The following PCDHGA4 variants were observed in gnomAD, a reference collection of about 807,000 sequenced individuals.
The protein encoded by PCDHGA4 is protocadherin gamma subfamily A, 4.
PCDHGA4 carries 38 observed loss-of-function variants against 54.6 expected under a neutral mutation model. The observed-to-expected ratio is 0.70, with a 90% CI of 0.54 to 0.91. The LOEUF is 0.91. Among genes scored for constraint, PCDHGA4 ranks in the 40% least tolerant of loss-of-function variants. The probability of loss-of-function intolerance (pLI) is 0.00; values close to 1 mark genes in which losing one functional copy is unlikely to be tolerated. For missense variants in PCDHGA4, 1,298 were observed against 1,220.9 expected (o/e 1.06, Z -0.94); for synonymous variants, 511 against 512.9 (o/e 1.00, Z 0.05).
chr5:141,384,522 T>A, intron 1 of PCDHGA4: 2 of 1,614,192 alleles, frequency 1.2e-6, no homozygotes, highest in Non-Finnish European at 1.7e-6. Flanking sequence ...GGGACCCGCC[T>A]CTCAGCAGCA....
intron 1 of PCDHGA4, chr5:141,383,906 C>T (rs1779578930): frequency 6.2e-7 from 1 of 1,613,814 alleles, no homozygotes; most frequent in African/African-American, 1.3e-5. Flanking sequence ...GTACTGATCA[C>T]AGTTTTAGAT....
intron 1 of PCDHGA4, chr5:141,395,544 G>A (rs1352260391): frequency 8.7e-5 from 1 of 11,524 alleles, no homozygotes. Flanking sequence ...GCTATTGTTT[G>A]TGTGTGTGTG....
At chr5:141,467,167 C>T (rs2099138606) in intron 1 of PCDHGA4, among the ~76,000 whole-genome samples, 1 of 151,832 alleles carries the variant, frequency 6.6e-6, no homozygotes, top group Non-Finnish European at 1.5e-5. Context: ...ATTCTCATCT[C>T]TCAGCCTCCC....
At chr5:141,361,796 A>T in intron 1 of PCDHGA4, 1 of 1,613,122 alleles carries the variant, frequency 6.2e-7, no homozygotes, top group Non-Finnish European at 8.5e-7. Flanking sequence ...TTAGTGGGCG[A>T]CCTCAATGAC....
At chr5:141,507,239 G>C (rs2099859378) in intron 3 of PCDHGA4, 1 of 152,310 alleles carries the variant, frequency 6.6e-6, no homozygotes, top group Non-Finnish European at 1.5e-5. Context: ...CCCAGTTACA[G>C]TTGAATGTCA....
At chr5:141,374,109 A>C (rs1422319467) in intron 1 of PCDHGA4, 1 of 1,576,270 alleles carries the variant, frequency 6.3e-7, no homozygotes, top group Admixed American at 1.8e-5. Flanking sequence ...AGGCATCCGC[A>C]GCGCAGCGAG....
intron 1 of PCDHGA4, among the ~76,000 whole-genome samples, chr5:141,397,541 C>G (rs1385892486): frequency 6.6e-6 from 1 of 152,014 alleles, no homozygotes; most frequent in Non-Finnish European, 1.5e-5. Context: ...TTTTTGAAAT[C>G]AGTATAGTAT....
At chr5:141,395,099 C>A (rs1337134243) in intron 1 of PCDHGA4, 1 of 1,614,228 alleles carries the variant, frequency 6.2e-7, no homozygotes. Flanking sequence ...TCACCGCCGA[C>A]TCGCGGAAGA....
rs375436846 is a variant in PCDHGA4, at chr5:141,399,581, A to T, written c.2514+41960A>T. ...TTGGGGTTGAACGGCCAAGTCTCCT[A>T]CTCTATCATGGCCAGCGACCTAGAG... is the stretch of plus-strand genomic sequence containing the variant. On this transcript the variant is annotated intron_variant, in intron 1 of 3. Coordinates refer to ENST00000571252, the MANE Select transcript of PCDHGA4 (RefSeq NM_018917.4). 9.9e-6 allele frequency: 16 copies of T among 1,613,788 alleles called. No homozygotes were observed. The African/African-American group carries it at 1.9e-4, about 19-fold the overall frequency.
chr5:141,446,558 T>G (rs1413501675), intron 1 of PCDHGA4, among the ~76,000 whole-genome samples: 3 of 151,788 alleles, frequency 2.0e-5, no homozygotes, highest in Non-Finnish European at 1.5e-5. Flanking sequence ...CTCACTGCAA[T>G]CTCTGCCTCC....
At chr5:141,379,666 A>C (rs1254771519) in intron 1 of PCDHGA4, 1 of 152,160 alleles carries the variant, frequency 6.6e-6, no homozygotes, top group East Asian at 1.9e-4. Context: ...CTCTCACAAA[A>C]GTCATTCACT....
intron 1 of PCDHGA4, among the ~76,000 whole-genome samples, chr5:141,429,660 ATATAT>A (rs1388009014): frequency 1.3e-5 from 2 of 152,336 alleles, no homozygotes; most frequent in African/African-American, 4.8e-5. Flanking sequence ...CCAATTTAAA[ATATAT>A]TATTTTATTT....
rs1002764667 is a variant in PCDHGA4, at chr5:141,468,260, G to A, written c.2515-26547G>A. 4.0e-5 allele frequency among the ~76,000 whole-genome samples: 6 copies of A among 150,102 alleles called. No homozygotes were observed. The East Asian group carries it at 1.2e-3, about 30-fold the overall frequency. ...GAATTGCCTGAACCTGGGAGGCAGA[G>A]GTTGTGGTGAGCCGAGACCACGCCA... On this transcript the variant is annotated intron_variant, in intron 1 of 3. Coordinates refer to ENST00000571252, the MANE Select transcript of PCDHGA4 (RefSeq NM_018917.4).
chr5:141,385,638 T>A, intron 1 of PCDHGA4: 1 of 831,764 alleles, frequency 1.2e-6, no homozygotes, highest in Non-Finnish European at 1.5e-6. Context: ...ATCGAGTCTT[T>A]CATATTGCAC....
intron 1 of PCDHGA4, among the ~76,000 whole-genome samples, chr5:141,386,466 A>G (rs1317226366): frequency 3.9e-5 from 6 of 152,122 alleles, no homozygotes; most frequent in Non-Finnish European, 8.8e-5. Context: ...GCTTGAACCC[A>G]AGAATTGGAG....
intron 1 of PCDHGA4, chr5:141,384,502 C>A: frequency 6.2e-7 from 1 of 1,614,194 alleles, no homozygotes; most frequent in Non-Finnish European, 8.5e-7. Context: ...AGTGACTGCA[C>A]ATGACAGCGG....
chr5:141,409,749 C>T (rs1477022032), intron 1 of PCDHGA4: 4 of 1,613,030 alleles, frequency 2.5e-6, no homozygotes, highest in Admixed American at 1.7e-5. Context: ...GTGGTGTTCG[C>T]GCAGCGCGCC....
chr5:141,404,709 A>G (rs746275941), intron 1 of PCDHGA4: 33 of 1,613,624 alleles, frequency 2.0e-5, no homozygotes, highest in Non-Finnish European at 2.7e-5. Flanking sequence ...GAGCCTGGCT[A>G]CCTGGTGACC....
intron 1 of PCDHGA4, chr5:141,423,251 A>T: frequency 6.2e-7 from 1 of 1,613,844 alleles, no homozygotes; most frequent in East Asian, 2.2e-5. Context: ...GTCCTGGCGG[A>T]CCTCGGCAGC....
Sources: allele counts gnomAD v4.1 joint callset (sites outside exome capture counted in the v4.1 genomes callset), GRCh38; gene constraint gnomAD v4.1.1; transcripts MANE v1.5; gene names NCBI Gene and HGNC (gene_info 2026-07-23, HGNC 2026-07-21).